Variants in FBXL7 observed in about 807,000 individuals in gnomAD.
FBXL7 encodes the protein F-box and leucine rich repeat protein 7.
A neutral mutation model predicts 38.3 loss-of-function variants in FBXL7; 12 were observed. The ratio of observed to expected loss-of-function variants is 0.31; its 90% CI spans 0.20 to 0.51. FBXL7 has a LOEUF of 0.51. Ranked by LOEUF, FBXL7 falls within the 20% of genes least tolerant of loss-of-function variation. The pLI, the probability that FBXL7 is intolerant of heterozygous loss-of-function variation, is 0.98. For synonymous variants in FBXL7, 297 were observed against 300.9 expected, an observed-to-expected ratio of 0.99 and a Z score of 0.13; for missense variants, 567 against 676.4, an observed-to-expected ratio of 0.84 and a Z score of 1.79.
At chr5:15,831,844 A>G (rs994390006) in intron 2 of FBXL7, among the ~76,000 whole-genome samples, 2 of 152,138 alleles carry the variant, frequency 1.3e-5, no homozygotes, top group Non-Finnish European at 2.9e-5. Flanking sequence ...ATCTGCACCC[A>G]TGGCAGCCCC....
intron 1 of FBXL7, chr5:15,501,623 A>G: frequency 1.0e-6 from 1 of 985,566 alleles, no homozygotes; most frequent in Non-Finnish European, 1.2e-6. Context: ...AGGAGGGGCC[A>G]GCGCTTGCAG....
At chr5:15,702,944 A>G (rs1743575072) in intron 2 of FBXL7, among the ~76,000 whole-genome samples, 2 of 152,184 alleles carry the variant, frequency 1.3e-5, no homozygotes, top group South Asian at 4.1e-4. Context: ...AGTGGGGGTC[A>G]CAAGGTGCTC....
intron 2 of FBXL7, among the ~76,000 whole-genome samples, chr5:15,792,279 G>A (rs1168864500): frequency 6.6e-6 from 1 of 152,102 alleles, no homozygotes; most frequent in African/African-American, 2.4e-5. Flanking sequence ...AGAAACGAGG[G>A]TATTTTCACA....
At position 15,848,732 on chromosome 5, in the gene FBXL7, C is replaced by G. The variant is rs542977097; in HGVS notation, c.128-79158C>G. Among the ~76,000 whole-genome samples the G allele has an allele frequency of 2.9e-3, 434 of 152,094 alleles. 3 individuals carry two copies. Among genetic ancestry groups the G allele is most frequent in the African/African-American group, 0.01 (421 of 41,404 alleles). On this transcript the variant is annotated intron_variant, in intron 2 of 3. Coordinates refer to ENST00000504595, the MANE Select transcript of FBXL7 (RefSeq NM_012304.5). ...GAGAGAACTTTAAGTCAAAAGTAAA[C>G]CTTTCTAATGAAACTAAAGTAACTG...
At chr5:15,646,637 C>T (rs570336319) in intron 2 of FBXL7, among the ~76,000 whole-genome samples, 2 of 152,312 alleles carry the variant, frequency 1.3e-5, no homozygotes, top group African/African-American at 4.8e-5. Flanking sequence ...TGTTTAAACA[C>T]TACACTGTTG....
At chr5:15,768,530 C>CAA (rs368089745) in intron 2 of FBXL7, among the ~76,000 whole-genome samples, 17,643 of 124,820 alleles carry the variant, frequency 0.14, 1,104 homozygotes, top group South Asian at 0.17. Context: ...GACTCTGTCT[C>CAA]AAAAAAAAAA....
chr5:15,781,451 G>A (rs543846880), intron 2 of FBXL7, among the ~76,000 whole-genome samples: 23 of 151,558 alleles, frequency 1.5e-4, no homozygotes, highest in South Asian at 1.0e-3. Flanking sequence ...GTGTGTGTGC[G>A]CGCGCGTGTG....
At chr5:15,563,620 C>A (rs1246085352) in intron 1 of FBXL7, among the ~76,000 whole-genome samples, 1 of 152,046 alleles carries the variant, frequency 6.6e-6, no homozygotes, top group Non-Finnish European at 1.5e-5. Context: ...CTGCTCCTGG[C>A]TCCTAATGCT....
chr5:15,558,802 A>G (rs1405862994), intron 1 of FBXL7, among the ~76,000 whole-genome samples: 1 of 152,178 alleles, frequency 6.6e-6, no homozygotes, highest in East Asian at 1.9e-4. Context: ...AGTCTCATAC[A>G]TGAATCAAAT....
intron 1 of FBXL7, among the ~76,000 whole-genome samples, chr5:15,528,706 A>G (rs1737324898): frequency 6.6e-6 from 1 of 152,200 alleles, no homozygotes; most frequent in South Asian, 2.1e-4. Flanking sequence ...TGAGAGCTAC[A>G]ATTCAAGATG....
intron 2 of FBXL7, among the ~76,000 whole-genome samples, chr5:15,883,907 A>G (rs1740566332): frequency 6.6e-6 from 1 of 152,358 alleles, no homozygotes; most frequent in East Asian, 1.9e-4. Flanking sequence ...TTGTATAAGG[A>G]AAGTTTTAAT....
intron 2 of FBXL7, among the ~76,000 whole-genome samples, chr5:15,826,696 C>T (rs778210839): frequency 1.3e-5 from 2 of 152,116 alleles, no homozygotes; most frequent in African/African-American, 2.4e-5. Flanking sequence ...TGGGATTACA[C>T]GCATGATCCA....
intron 1 of FBXL7, among the ~76,000 whole-genome samples, chr5:15,529,986 T>A (rs1011928546): frequency 3.3e-5 from 5 of 152,200 alleles, no homozygotes; most frequent in Non-Finnish European, 7.3e-5. Context: ...TATATTGATA[T>A]CTGTGGGAGT....
At chr5:15,836,374 G>C (rs1436134695) in intron 2 of FBXL7, among the ~76,000 whole-genome samples, 1 of 152,142 alleles carries the variant, frequency 6.6e-6, no homozygotes, top group Non-Finnish European at 1.5e-5. Flanking sequence ...AAGGTGATGA[G>C]AGCTATACAG....
intron 2 of FBXL7, among the ~76,000 whole-genome samples, chr5:15,863,019 A>G (rs1739542231): frequency 1.3e-5 from 2 of 152,170 alleles, no homozygotes; most frequent in Admixed American, 6.5e-5. Context: ...GTTCTTATGT[A>G]TGGGTGTGTG....
chr5:15,863,580 A>G (rs1739574246), intron 2 of FBXL7, among the ~76,000 whole-genome samples: 1 of 152,080 alleles, frequency 6.6e-6, no homozygotes, highest in Non-Finnish European at 1.5e-5. Flanking sequence ...GCTGTCTCTT[A>G]TGGTTTGGAT....
intron 2 of FBXL7, among the ~76,000 whole-genome samples, chr5:15,844,210 G>A (rs1423656253): frequency 1.3e-5 from 2 of 152,132 alleles, no homozygotes; most frequent in African/African-American, 4.8e-5. Flanking sequence ...ATACAGATTG[G>A]CCTTTCATTT....
chr5:15,767,097 A>G (rs563368732), intron 2 of FBXL7, among the ~76,000 whole-genome samples: 1 of 152,190 alleles, frequency 6.6e-6, no homozygotes, highest in South Asian at 2.1e-4. Context: ...TGCACATATC[A>G]ACCCTTCAGC....
intron 1 of FBXL7, among the ~76,000 whole-genome samples, chr5:15,522,963 G>A (rs532619583): frequency 6.6e-6 from 1 of 152,276 alleles, no homozygotes; most frequent in Admixed American, 6.5e-5. Flanking sequence ...CCCATACGGT[G>A]GCAACTAGCA....
Sources: allele counts gnomAD v4.1 joint callset (sites outside exome capture counted in the v4.1 genomes callset), GRCh38; gene constraint gnomAD v4.1.1; transcripts MANE v1.5; gene names NCBI Gene and HGNC (gene_info 2026-07-23, HGNC 2026-07-21).